The following NSMAF variants were observed in gnomAD, a reference collection of about 807,000 sequenced individuals.
NSMAF encodes the protein protein FAN.
In NSMAF, 90 loss-of-function variants were observed where a neutral mutation model predicts 134.9. The observed-to-expected ratio is 0.67, with a 90% CI of 0.56 to 0.79. The LOEUF (loss-of-function observed/expected upper bound fraction) is 0.79, where lower values mean the gene tolerates loss of function less well. NSMAF is among the 30% of genes least tolerant of loss of function. The pLI is 0.00. For missense variants in NSMAF, 1,010 were observed against 1,119.0 expected (o/e 0.90, Z 1.39); for synonymous variants, 358 against 389.6 (o/e 0.92, Z 0.96).
rs772427222 is a variant in NSMAF at position 58,638,576 on chromosome 8, G to A, written c.150-3030C>T. Among the ~76,000 whole-genome samples, 11 of 151,410 alleles carry A rather than the reference G, an allele frequency of 7.3e-5. No homozygotes were observed. In the East Asian group the frequency reaches 1.2e-3, roughly 16 times the overall value. On this transcript the variant is annotated intron_variant, in intron 2 of 30. Coordinates refer to ENST00000038176, the MANE Select transcript of NSMAF (RefSeq NM_003580.4). ...GGTGTTGGGAAAACTAGATATCCCC[G>A]TGGAAAAAAAAAAGTGAACCCTTAC...
chr8:58,601,130 C>T (rs1806268402), intron 16 of NSMAF, 155 bp downstream of exon 16: 1 of 637,336 alleles, frequency 1.6e-6, no homozygotes, highest in Non-Finnish European at 2.7e-6. Context: ...CACACATATA[C>T]ATGTCTAGAA....
At position 58,596,651 on chromosome 8, in the gene NSMAF, C is replaced by T. The variant is rs185500164; in HGVS notation, c.1792+736G>A. ...TTTGAATTCAAGATGTATGTGGGGC[C>T]GAGCGCGGTGGCTCAGGCCTGTAAT... On this transcript the variant is annotated intron_variant, in intron 21 of 30. Transcript: ENST00000038176. Among the ~76,000 whole-genome samples, 261 of 152,236 alleles carry T rather than the reference C, an allele frequency of 1.7e-3. 1 individual carries two copies. The highest frequency in any genetic ancestry group is 3.5e-3 in the South Asian group (17 of 4,826).
rs149592948 is a variant in NSMAF, at chr8:58,659,236, C to T, written c.59+337G>A. On this transcript the variant is annotated intron_variant, in intron 1 of 30. Transcript: ENST00000038176. The stretch of plus-strand genomic sequence containing the variant: ...CCGGGCTCGCGTGCCGGGATCCACG[C>T]CCGGACCCCGCGCGGCCTTCCGGGT... The T allele has an allele frequency of 3.1e-3, 4,719 of 1,498,668 alleles. 133 individuals carry two copies. In the African/African-American group the frequency reaches 0.058, roughly 18 times the overall value. 92.8% of individuals were successfully genotyped at this position (1,498,668 alleles called of 1,614,324 possible).
chr8:58,651,877 C>A (rs1324806924), intron 1 of NSMAF, among the ~76,000 whole-genome samples: 1 of 152,222 alleles, frequency 6.6e-6, no homozygotes, highest in African/African-American at 2.4e-5. Context: ...AAGCTCCAGG[C>A]ACACATGCGC....
intron 12 of NSMAF, among the ~76,000 whole-genome samples, chr8:58,604,133 A>G (rs1806347716): frequency 1.3e-5 from 2 of 152,190 alleles, no homozygotes; most frequent in South Asian, 4.1e-4. Flanking sequence ...AACTCTTAAT[A>G]TTTATTCTCA....
rs1807788974 is a variant in NSMAF at position 58,659,036 on chromosome 8, T to C, written c.59+537A>G. Among the ~76,000 whole-genome samples, 8 of 152,158 alleles carry C rather than the reference T, an allele frequency of 5.3e-5. No individual in the cohort carries two copies. In the South Asian group the frequency reaches 1.7e-3, roughly 32 times the overall value. On this transcript the variant is annotated intron_variant, in intron 1 of 30. Coordinates refer to ENST00000038176, the MANE Select transcript of NSMAF (RefSeq NM_003580.4). The stretch of plus-strand genomic sequence containing the variant: ...CAGGGCATGGAGCTAGTCCTGTGTC[T>C]AAAGGAGTCGGCAGGAAAAAGGCGC...
chr8:58,655,001 GT>G (rs541391006), intron 1 of NSMAF, among the ~76,000 whole-genome samples: 12 of 147,270 alleles, frequency 8.1e-5, no homozygotes, highest in Admixed American at 6.8e-5. Flanking sequence ...CACCCGGCTA[GT>G]TTTTTTTTTT....
chr8:58,653,216 A>G (rs1038863514), intron 1 of NSMAF, among the ~76,000 whole-genome samples: 1 of 152,222 alleles, frequency 6.6e-6, no homozygotes, highest in Non-Finnish European at 1.5e-5. Context: ...AATAAAATAT[A>G]TAACTTCCAT....
intron 9 of NSMAF, among the ~76,000 whole-genome samples, chr8:58,622,104 T>G (rs908117814): frequency 4.6e-5 from 7 of 152,284 alleles, no homozygotes; most frequent in Middle Eastern, 3.4e-3. Context: ...AGTTTTAGGT[T>G]TTACATTTAA....
Position 58,635,458 on chromosome 8 carries a change from ATGTAT to A in NSMAF, c.228+5_228+9del. ...AGGAATGTTTCTGTTCATATTTAAA[ATGTAT>A]TTACCTTGATGATGGGCTGGGATAT... On this transcript the variant is annotated splice_donor_5th_base_variant and intron_variant, in intron 3 of 30. Transcript: ENST00000038176. 1 of 1,588,722 alleles carries A rather than the reference ATGTAT, an allele frequency of 6.3e-7. No individual in the cohort carries two copies. Among genetic ancestry groups the A allele is most frequent in the Non-Finnish European group, 8.6e-7 (1 of 1,167,282 alleles).
intron 1 of NSMAF, among the ~76,000 whole-genome samples, chr8:58,657,624 G>A (rs1807748458): frequency 6.6e-6 from 1 of 152,198 alleles, no homozygotes; most frequent in Non-Finnish European, 1.5e-5. Flanking sequence ...TACCTGATGT[G>A]AGACAGATTC....
intron 1 of NSMAF, among the ~76,000 whole-genome samples, chr8:58,649,735 G>A (rs1807541126): frequency 6.6e-6 from 1 of 152,116 alleles, no homozygotes; most frequent in Non-Finnish European, 1.5e-5. Flanking sequence ...TCCCTCTCTT[G>A]CCATGTGATG....
chr8:58,610,250 T>C (rs1176853979), intron 9 of NSMAF, among the ~76,000 whole-genome samples: 1 of 152,176 alleles, frequency 6.6e-6, no homozygotes, highest in Non-Finnish European at 1.5e-5. Context: ...GCAGAAAACC[T>C]CTGAAAAATG....
At chr8:58,599,120 T>C (rs1455558784) in intron 19 of NSMAF, 112 bp downstream of exon 19, 1 of 1,044,930 alleles carries the variant, frequency 9.6e-7, no homozygotes, top group Non-Finnish European at 1.4e-6. Flanking sequence ...ATAAGACTAA[T>C]TGCTTTGGCC....
At chr8:58,618,578 T>A (rs940692414) in intron 9 of NSMAF, among the ~76,000 whole-genome samples, 1 of 151,930 alleles carries the variant, frequency 6.6e-6, no homozygotes, top group Non-Finnish European at 1.5e-5. Context: ...CATATATATA[T>A]AATACAAACA....
chr8:58,595,343 A>C (rs1806112355), intron 22 of NSMAF, among the ~76,000 whole-genome samples: 1 of 152,182 alleles, frequency 6.6e-6, no homozygotes, highest in South Asian at 2.1e-4. Flanking sequence ...AAATGACAGC[A>C]CGGTAGCCAC....
intron 14 of NSMAF, 114 bp downstream of exon 14, chr8:58,601,944 T>C: frequency 2.6e-6 from 2 of 764,756 alleles, no homozygotes; most frequent in East Asian, 2.6e-5. Context: ...AAACTCTACG[T>C]AGAGTCACTG....
chr8:58,635,668 T>C (rs1164872578), intron 2 of NSMAF, 122 bp from the exon 3 acceptor site: 4 of 614,664 alleles, frequency 6.5e-6, no homozygotes, highest in Non-Finnish European at 1.1e-5. Flanking sequence ...CAATAATGCA[T>C]ATAAAGAGAA....
chr8:58,643,206 C>G, intron 1 of NSMAF, 133 bp from the exon 2 acceptor site: 1 of 688,188 alleles, frequency 1.5e-6, no homozygotes, highest in Non-Finnish European at 2.6e-6. Context: ...GCATGTATAT[C>G]ATGCCAGGCA....
Sources: gnomAD v4.1 joint callset for allele counts (sites outside exome capture counted in the v4.1 genomes callset) on GRCh38, gnomAD v4.1.1 for gene constraint, MANE v1.5 for transcripts, NCBI Gene and HGNC (gene_info 2026-07-23, HGNC 2026-07-21) for gene names.